Variants in ADCK1 observed in about 807,000 individuals in gnomAD.
The protein encoded by ADCK1 is aarF domain containing kinase 1, also known as aarF domain-containing protein kinase 1.
ADCK1 carries 41 observed loss-of-function variants against 52.3 expected under a neutral mutation model. The ratio of observed to expected loss-of-function variants is 0.78; its 90% CI spans 0.61 to 1.02. The LOEUF (loss-of-function observed/expected upper bound fraction) is 1.02. Among genes scored for constraint, ADCK1 ranks in the 50% least tolerant of loss-of-function variants. The pLI is 0.00. For missense variants in ADCK1, 658 were observed against 679.5 expected (o/e 0.97, Z 0.35); for synonymous variants, 250 against 274.6 (o/e 0.91, Z 0.89).
chr14:77,925,783 G>A lies in ADCK1; in HGVS notation c.1028G>A (p.Arg343His), dbSNP rs141202173. Residue 343 changes from arginine to histidine, a missense_variant, in exon 9 of 11, where the codon CGC (arginine) becomes CAC (histidine). Physicochemically the swap from Arg to His is conservative, Grantham distance 29. Coordinates refer to ENST00000238561, the MANE Select transcript of ADCK1 (RefSeq NM_020421.4). The part of the protein sequence containing the change: ...GLYQMLTEEF[R>H]LNYCHLWQSL... ...CCCTAGATGCTCACGGAAGAATTCC[G>A]CCTGAATTACTGCCACCTCTGGCAG... is the stretch of plus-strand genomic sequence containing the variant. 1.1e-5 allele frequency: 18 copies of A among 1,613,960 alleles called. No individual in the cohort carries two copies. The highest frequency in any genetic ancestry group is 8.9e-5 in the East Asian group (4 of 44,892).
In ADCK1 at chr14:77,926,396, C is replaced by T. The variant is rs939164539; in HGVS notation, c.1206+435C>T. On this transcript the variant is annotated intron_variant, in intron 9 of 10. Coordinates refer to ENST00000238561, the MANE Select transcript of ADCK1 (RefSeq NM_020421.4). ...CACTGTCTCCCATCACATGGCTCCT[C>T]TAAGGCAACAAGCTGAGAGAGCCCT... 2.0e-5 allele frequency among the ~76,000 whole-genome samples: 3 copies of T among 152,234 alleles called. No individual in the cohort carries two copies. The East Asian group carries it at 5.8e-4, about 29-fold the overall frequency.
intron 3 of ADCK1, among the ~76,000 whole-genome samples, chr14:77,838,130 A>C (rs2081997552): frequency 6.6e-6 from 1 of 152,156 alleles, no homozygotes; most frequent in African/African-American, 2.4e-5. Context: ...ACCAAATTAA[A>C]ATCCACTCAG....
intron 1 of ADCK1, among the ~76,000 whole-genome samples, chr14:77,806,011 A>T (rs1345011134): frequency 1.0e-4 from 9 of 88,174 alleles, no homozygotes; most frequent in Admixed American, 5.0e-4. Context: ...TTTTTTTTTT[A>T]AAGTGATGAG....
At chr14:77,882,821 T>A (rs1402245751) in intron 4 of ADCK1, among the ~76,000 whole-genome samples, 1 of 152,292 alleles carries the variant, frequency 6.6e-6, no homozygotes, top group East Asian at 1.9e-4. Flanking sequence ...CTGGATAGTC[T>A]CTTACTCTGC....
intron 2 of ADCK1, 110 bp from the exon 3 acceptor site, chr14:77,822,325 A>C (rs1475012847): frequency 7.2e-6 from 6 of 836,954 alleles, no homozygotes; most frequent in Non-Finnish European, 1.2e-5. Flanking sequence ...GGGACTGGCC[A>C]CTCCCCCAGA....
At chr14:77,837,153 CT>C (rs148898631) in intron 3 of ADCK1, among the ~76,000 whole-genome samples, 38,386 of 140,760 alleles carry the variant, frequency 0.27, 4,947 homozygotes, top group African/African-American at 0.32. Context: ...CTTAAAAATT[CT>C]TTTTTTTTTT....
intron 5 of ADCK1, among the ~76,000 whole-genome samples, chr14:77,888,155 C>T: frequency 6.6e-6 from 1 of 152,046 alleles, no homozygotes; most frequent in East Asian, 1.9e-4. Flanking sequence ...ATGGATGGGG[C>T]ACCAAGGGGG....
chr14:77,869,630 G>C (rs2082733535), intron 4 of ADCK1, among the ~76,000 whole-genome samples: 1 of 152,200 alleles, frequency 6.6e-6, no homozygotes, highest in South Asian at 2.1e-4. Context: ...GGGTGCATTA[G>C]GTCTTCTGTG....
intron 3 of ADCK1, chr14:77,827,709 G>C (rs2081745676): frequency 3.6e-6 from 1 of 274,574 alleles, no homozygotes; most frequent in African/African-American, 2.3e-5. Context: ...TAAGGAGGGT[G>C]CAGAGAGGTT....
At position 77,891,141 on chromosome 14, in the gene ADCK1, G is replaced by A. The variant is rs2083275026; in HGVS notation, c.582+3892G>A. On this transcript the variant is annotated intron_variant, in intron 5 of 10. Coordinates refer to ENST00000238561, the MANE Select transcript of ADCK1 (RefSeq NM_020421.4). ...ATTTTTTCTCTGAAGTGGGAGGCAA[G>A]ACCATCTGCTGAGAATGAGGGGGTA... Among the ~76,000 whole-genome samples the A allele has an allele frequency of 2.0e-5, 3 of 152,266 alleles. No individual in the cohort carries two copies. The South Asian group carries it at 6.2e-4, about 32-fold the overall frequency.
At chr14:77,854,278 G>C (rs1381446325) in intron 3 of ADCK1, among the ~76,000 whole-genome samples, 1 of 152,132 alleles carries the variant, frequency 6.6e-6, no homozygotes, top group African/African-American at 2.4e-5. Context: ...TGGAGTAATT[G>C]ATGTTAGAGA....
intron 3 of ADCK1, among the ~76,000 whole-genome samples, chr14:77,851,423 G>C (rs2082282972): frequency 6.6e-6 from 1 of 151,970 alleles, no homozygotes; most frequent in Non-Finnish European, 1.5e-5. Context: ...GCCATATTTG[G>C]GTCTTTTTAA....
intron 3 of ADCK1, among the ~76,000 whole-genome samples, chr14:77,826,995 T>C (rs141194872): frequency 1.2e-3 from 178 of 152,230 alleles, no homozygotes; most frequent in African/African-American, 3.9e-3. Flanking sequence ...CTTGGAGCTG[T>C]TGGCAGCCAT....
Position 77,924,396 on chromosome 14 carries a change from A to G in ADCK1, c.859-61A>G, listed in dbSNP as rs943817959. The G allele has an allele frequency of 3.8e-6, 6 of 1,586,426 alleles. No homozygotes were observed. The African/African-American group carries it at 5.4e-5, about 14-fold the overall frequency. ...AAGTGACCACATTGAGAGACCAGAC[A>G]GAGGTCCCTCGGATAGATGTGAGTG... is the stretch of plus-strand genomic sequence containing the variant. On this transcript the variant is annotated intron_variant, in intron 7 of 10. Coordinates refer to ENST00000238561, the MANE Select transcript of ADCK1 (RefSeq NM_020421.4).
At chr14:77,864,987 A>G (rs2082632738) in intron 4 of ADCK1, among the ~76,000 whole-genome samples, 1 of 152,174 alleles carries the variant, frequency 6.6e-6, no homozygotes, top group South Asian at 2.1e-4. Flanking sequence ...CCACTAATAT[A>G]ACTGTAAATC....
At chr14:77,836,880 T>A (rs2081972775) in intron 3 of ADCK1, among the ~76,000 whole-genome samples, 1 of 150,836 alleles carries the variant, frequency 6.6e-6, no homozygotes, top group Non-Finnish European at 1.5e-5. Context: ...TTTAAGCGAT[T>A]CCCCTGCCTC....
intron 3 of ADCK1, 107 bp from the exon 4 acceptor site, chr14:77,858,969 A>C: frequency 9.6e-7 from 1 of 1,043,854 alleles, no homozygotes; most frequent in Non-Finnish European, 1.4e-6. Context: ...TGCCCTGGGC[A>C]TTGTGGGGTA....
At chr14:77,823,285 T>C (rs1248520796) in intron 3 of ADCK1, among the ~76,000 whole-genome samples, 2 of 152,172 alleles carry the variant, frequency 1.3e-5, no homozygotes, top group Non-Finnish European at 2.9e-5. Flanking sequence ...CAGGCAGTCC[T>C]CTCAGCCAGG....
intron 7 of ADCK1, among the ~76,000 whole-genome samples, chr14:77,910,594 G>A (rs1206951684): frequency 6.6e-6 from 1 of 152,198 alleles, no homozygotes; most frequent in Non-Finnish European, 1.5e-5. Context: ...TACCAGCTGT[G>A]GAGGCATTTT....
Sources: allele counts gnomAD v4.1 joint callset (sites outside exome capture counted in the v4.1 genomes callset), GRCh38; gene constraint gnomAD v4.1.1; transcripts MANE v1.5; gene names NCBI Gene and HGNC (gene_info 2026-07-23, HGNC 2026-07-21).